GALNTL6: variants seen among roughly 807,000 people sequenced by gnomAD.
GALNTL6 encodes polypeptide N-acetylgalactosaminyltransferase-like 6.
GALNTL6 carries 46 observed loss-of-function variants against 73.7 expected under a neutral mutation model. That is an observed-to-expected ratio of 0.62 (90% CI 0.49 to 0.80). GALNTL6 has a LOEUF of 0.80. GALNTL6 is among the 30% of genes least tolerant of loss of function. The pLI is 0.00. For missense variants in GALNTL6, 604 were observed against 755.0 expected, an observed-to-expected ratio of 0.80 and a Z score of 2.34; for synonymous variants, 259 against 263.7, an observed-to-expected ratio of 0.98 and a Z score of 0.17.
At chr4:171,879,800 T>G (rs1180068559) in intron 2 of GALNTL6, among the ~76,000 whole-genome samples, 1 of 152,152 alleles carries the variant, frequency 6.6e-6, no homozygotes, top group African/African-American at 2.4e-5. Flanking sequence ...TAATAGAGCC[T>G]AAGTACACCA....
intron 2 of GALNTL6, among the ~76,000 whole-genome samples, chr4:171,943,225 T>C (rs559912415): frequency 9.9e-5 from 15 of 152,174 alleles, no homozygotes; most frequent in Non-Finnish European, 2.1e-4. Context: ...TATTCACAAG[T>C]ACATCAGTAA....
intron 2 of GALNTL6, among the ~76,000 whole-genome samples, chr4:172,169,051 G>A (rs947000815): frequency 2.6e-5 from 4 of 152,186 alleles, no homozygotes; most frequent in Admixed American, 2.0e-4. Flanking sequence ...TTTGGGAATT[G>A]CATCAGTGTT....
intron 2 of GALNTL6, among the ~76,000 whole-genome samples, chr4:172,026,881 TTTTA>T (rs1160169193): frequency 3.3e-5 from 5 of 152,218 alleles, no homozygotes; most frequent in East Asian, 1.9e-4. Flanking sequence ...TTTTATCTTA[TTTTA>T]TTTATTTATT....
chr4:173,005,205 G>A (rs775938501), intron 10 of GALNTL6, among the ~76,000 whole-genome samples: 10 of 152,038 alleles, frequency 6.6e-5, no homozygotes, highest in South Asian at 2.1e-4. Context: ...AGATTATCTC[G>A]GTAATTCCTG....
intron 5 of GALNTL6, among the ~76,000 whole-genome samples, chr4:172,516,169 A>G (rs1480918474): frequency 2.0e-5 from 3 of 152,210 alleles, no homozygotes; most frequent in Non-Finnish European, 4.4e-5. Context: ...AATGTTAGCT[A>G]TGTAAATGCT....
chr4:172,293,234 C>A (rs1034267626), intron 3 of GALNTL6, among the ~76,000 whole-genome samples: 1 of 152,102 alleles, frequency 6.6e-6, no homozygotes, highest in Non-Finnish European at 1.5e-5. Context: ...GACTTATTTT[C>A]TATCCTCTCA....
In GALNTL6 at chr4:173,040,418, A is replaced by G. The variant is rs926187786; in HGVS notation, c.*318A>G. 3.3e-6 allele frequency: 1 copy of G among 299,678 alleles called. No homozygotes were observed. Among genetic ancestry groups the G allele is most frequent in the Non-Finnish European group, 6.2e-6 (1 of 160,122 alleles). 18.6% of individuals were successfully genotyped at this position (299,678 alleles called of 1,614,324 possible). ...CATTTCTCAGGTCAAATCCTGCAGT[A>G]GTGAGTAGCTATGAATGGATCCTAT... On this transcript the variant is annotated 3_prime_UTR_variant, in exon 13 of 13. Coordinates refer to ENST00000506823, the MANE Select transcript of GALNTL6 (RefSeq NM_001034845.3).
At chr4:172,176,908 T>G (rs1159097813) in intron 2 of GALNTL6, among the ~76,000 whole-genome samples, 1 of 152,192 alleles carries the variant, frequency 6.6e-6, no homozygotes, top group Non-Finnish European at 1.5e-5. Context: ...ATTAATTATA[T>G]ATTTTCTTAT....
At chr4:172,483,187 T>G (rs2111487077) in intron 5 of GALNTL6, among the ~76,000 whole-genome samples, 1 of 152,226 alleles carries the variant, frequency 6.6e-6, no homozygotes, top group East Asian at 1.9e-4. Context: ...GAGCACTTAC[T>G]CAAGTATATA....
chr4:172,720,221 A>G (rs1274594049), intron 5 of GALNTL6, among the ~76,000 whole-genome samples: 1 of 152,078 alleles, frequency 6.6e-6, no homozygotes, highest in Admixed American at 6.5e-5. Flanking sequence ...TGTCCGTCCA[A>G]TGGCCATGAA....
chr4:171,939,941 G>A (rs1738475197), intron 2 of GALNTL6, among the ~76,000 whole-genome samples: 1 of 152,134 alleles, frequency 6.6e-6, no homozygotes, highest in Non-Finnish European at 1.5e-5. Flanking sequence ...AAAGTCCTAA[G>A]TAGACTTCCG....
At chr4:172,538,171 C>A (rs1456961895) in intron 5 of GALNTL6, among the ~76,000 whole-genome samples, 7 of 152,068 alleles carry the variant, frequency 4.6e-5, no homozygotes, top group Non-Finnish European at 1.0e-4. Flanking sequence ...TTCAAGATTT[C>A]AAACCATGGC....
chr4:172,683,629 C>T (rs763141081), intron 5 of GALNTL6, among the ~76,000 whole-genome samples: 1 of 152,114 alleles, frequency 6.6e-6, no homozygotes. Flanking sequence ...CTACACCGTA[C>T]ATAACAACTT....
intron 12 of GALNTL6, among the ~76,000 whole-genome samples, chr4:173,027,540 T>C (rs1753283533): frequency 6.6e-6 from 1 of 152,196 alleles, no homozygotes; most frequent in Admixed American, 6.5e-5. Context: ...AGTAAGCTAA[T>C]AAAATAAACT....
chr4:172,484,139 A>C (rs1387452212), intron 5 of GALNTL6, among the ~76,000 whole-genome samples: 1 of 152,194 alleles, frequency 6.6e-6, no homozygotes, highest in Admixed American at 6.5e-5. Context: ...TTTTCATATT[A>C]CTTAGCTTAA....
intron 5 of GALNTL6, among the ~76,000 whole-genome samples, chr4:172,755,298 A>C (rs955876635): frequency 6.8e-6 from 1 of 146,670 alleles, no homozygotes; most frequent in African/African-American, 2.5e-5. Flanking sequence ...CTTTTACAAA[A>C]TACAAACTTC....
In GALNTL6 at chr4:172,176,350, A is replaced by AAAAAAAAAAAAAAAAT. The variant is rs1276256711; in HGVS notation, c.139-53300_139-53299insAAAAAAAAATAAAAAA. Among the ~76,000 whole-genome samples the AAAAAAAAAAAAAAAAT allele has an allele frequency of 8.0e-5, 12 of 149,094 alleles. 1 individual carries two copies. Among genetic ancestry groups the AAAAAAAAAAAAAAAAT allele is most frequent in the African/African-American group, 2.5e-4 (10 of 40,760 alleles). On this transcript the variant is annotated intron_variant, in intron 2 of 12. Transcript: ENST00000506823. ...GAGACTCCGTCTCAAAAAAAAAAAA[A>AAAAAAAAAAAAAAAAT]AAAAAAGAGTGTATTCAGCATATTT...
chr4:172,790,401 TTC>T (rs1444218448), intron 5 of GALNTL6, among the ~76,000 whole-genome samples: 1 of 152,254 alleles, frequency 6.6e-6, no homozygotes, highest in East Asian at 1.9e-4. Flanking sequence ...CTAGAAATTT[TTC>T]TCTCTCTGCC....
intron 5 of GALNTL6, among the ~76,000 whole-genome samples, chr4:172,438,529 G>T (rs1731719400): frequency 6.6e-6 from 1 of 151,798 alleles, no homozygotes; most frequent in African/African-American, 2.4e-5. Context: ...ATATATTATT[G>T]TTTTCATACA....
Sources: gnomAD v4.1 joint callset for allele counts (sites outside exome capture counted in the v4.1 genomes callset) on GRCh38, gnomAD v4.1.1 for gene constraint, MANE v1.5 for transcripts, NCBI Gene and HGNC (gene_info 2026-07-23, HGNC 2026-07-21) for gene names.